The following DRD3 variants were observed in gnomAD, a reference collection of about 807,000 sequenced individuals.
The protein encoded by DRD3 is D(3) dopamine receptor.
A neutral mutation model predicts 36.3 loss-of-function variants in DRD3; 19 were observed. That is an observed-to-expected ratio of 0.52 (90% CI 0.36 to 0.77). The LOEUF (loss-of-function observed/expected upper bound fraction) is 0.77. Ranked by LOEUF, DRD3 falls within the 30% of genes least tolerant of loss-of-function variation. The pLI, the probability that DRD3 is intolerant of heterozygous loss-of-function variation, is 0.00. For synonymous variants in DRD3, 195 were observed against 203.7 expected (o/e 0.96, Z 0.36); for missense variants, 465 against 505.3 (o/e 0.92, Z 0.77).
intron 4 of DRD3, among the ~76,000 whole-genome samples, chr3:114,141,715 T>A (rs1350818656): frequency 6.6e-6 from 1 of 152,100 alleles, no homozygotes; most frequent in Non-Finnish European, 1.5e-5. Context: ...TCAGGTAAAT[T>A]TCATGTTGTT....
In DRD3 at chr3:114,128,746, C is replaced by G. The variant is rs777254047; in HGVS notation, c.1173G>C (p.Arg391=). ...AAGACAGGATCTTGAGGAAGGCTTTCCGGAACTCGATATTGAAGGTGGTAT... is the reference window on the plus strand; with the variant it reads ...AAGACAGGATCTTGAGGAAGGCTTTGCGGAACTCGATATTGAAGGTGGTAT... ...VIYTTFNIEF[R]KAFLKILSC is the part of the protein sequence containing the mutation. The change falls in exon 7 of 7, where the codon CGG becomes CGC. Residue 391 remains arginine, a synonymous_variant. Transcript: ENST00000383673. 9 of 1,608,284 alleles carry G rather than the reference C, an allele frequency of 5.6e-6. No homozygotes were observed. The African/African-American group carries it at 1.1e-4, about 19-fold the overall frequency.
chr3:114,157,177 C>T (rs1453001392), intron 3 of DRD3, among the ~76,000 whole-genome samples: 1 of 151,906 alleles, frequency 6.6e-6, no homozygotes, highest in African/African-American at 2.4e-5. Flanking sequence ...CCTCTGCCTC[C>T]TGAGTAGCTG....
At chr3:114,183,736 C>A (rs1038329963), upstream of DRD3, among the ~76,000 whole-genome samples, 7 of 151,968 alleles carry the variant, frequency 4.6e-5, no homozygotes, top group African/African-American at 1.7e-4. Context: ...ATTTGTCTAG[C>A]CATTCCTGCT....
At chr3:114,183,831 T>A (rs2077960757), upstream of DRD3, among the ~76,000 whole-genome samples, 1 of 152,136 alleles carries the variant, frequency 6.6e-6, no homozygotes, top group African/African-American at 2.4e-5. Flanking sequence ...TTTCTCTTTT[T>A]TATTATTTTT....
chr3:114,149,361 C>T (rs1383732922), intron 3 of DRD3, among the ~76,000 whole-genome samples: 2 of 152,120 alleles, frequency 1.3e-5, no homozygotes, highest in Non-Finnish European at 2.9e-5. Context: ...AATATCTTCC[C>T]CATTTATTTA....
Position 114,139,584 on chromosome 3 carries a change from C to T in DRD3, c.639G>A (p.Val213=). The change falls in exon 5 of 7, where the codon GTG becomes GTA. Residue 213 remains valine, a synonymous_variant. Transcript: ENST00000383673. Reference sequence around the variant, plus strand: ...TTTTCCGTCTCCTTTGTTTCAGCACCACATAGATTCTGGCATAGACAAGGA... The same window carrying T: ...TTTTCCGTCTCCTTTGTTTCAGCACTACATAGATTCTGGCATAGACAAGGA... ...VTVLVYARIY[V]VLKQRRRKRI... is the part of the protein sequence containing the mutation. The T allele has an allele frequency of 6.2e-7, 1 of 1,614,126 alleles. No individual in the cohort carries two copies. Among genetic ancestry groups the T allele is most frequent in the Middle Eastern group, 1.6e-4 (1 of 6,062 alleles).
chr3:114,159,167 C>T (rs974303809), intron 3 of DRD3, among the ~76,000 whole-genome samples: 8 of 152,178 alleles, frequency 5.3e-5, no homozygotes, highest in African/African-American at 1.7e-4. Flanking sequence ...CAATTCACCC[C>T]AGCAACCAAA....
intron 2 of DRD3, among the ~76,000 whole-genome samples, chr3:114,165,161 C>T (rs188553989): frequency 6.6e-6 from 1 of 152,128 alleles, no homozygotes; most frequent in East Asian, 1.9e-4. Flanking sequence ...TTTAATAATT[C>T]ATTAAATAAC....
chr3:114,180,576 T>C (rs74988970), upstream of DRD3, among the ~76,000 whole-genome samples: 10,368 of 152,208 alleles, frequency 0.068, 398 homozygotes, highest in South Asian at 0.11. Context: ...TTTGGATTTC[T>C]ACCCTTCAAA....
intron 1 of DRD3, among the ~76,000 whole-genome samples, chr3:114,197,256 T>C (rs1348933404): frequency 1.3e-5 from 2 of 150,068 alleles, no homozygotes; most frequent in Non-Finnish European, 3.0e-5. Flanking sequence ...GGACTATAGG[T>C]GCACTTGGCT....
intron 3 of DRD3, among the ~76,000 whole-genome samples, chr3:114,154,442 C>T (rs2077647050): frequency 6.6e-6 from 1 of 152,044 alleles, no homozygotes; most frequent in African/African-American, 2.4e-5. Context: ...ACTCTAACTC[C>T]CCGCCTGGGT....
chr3:114,129,623 G>A (rs2077409291), intron 6 of DRD3, among the ~76,000 whole-genome samples: 1 of 152,204 alleles, frequency 6.6e-6, no homozygotes, highest in Admixed American at 6.5e-5. Context: ...TCCTGCTGTT[G>A]AGGAGATTAC....
chr3:114,171,846 C>A lies in DRD3; in HGVS notation c.147G>T (p.Leu49=). 1.2e-6 allele frequency: 2 copies of A among 1,613,868 alleles called. No individual in the cohort carries two copies. ...GCTCCTTCAGCACAGCCATGCACAC[C>A]AGGCCATTGCCGAAGACGATGGCCA... ...LILAIVFGNG[L]VCMAVLKERA... The change falls in exon 2 of 7, where the codon CTG becomes CTT. Residue 49 remains leucine, a synonymous_variant. Coordinates refer to ENST00000383673, the MANE Select transcript of DRD3 (RefSeq NM_000796.6).
chr3:114,154,089 C>A (rs1332697066), intron 3 of DRD3, among the ~76,000 whole-genome samples: 1 of 152,148 alleles, frequency 6.6e-6, no homozygotes, highest in Non-Finnish European at 1.5e-5. Context: ...CAGGAGATTC[C>A]ATTTCTAGTC....
At chr3:114,143,847 C>T (rs1373573152) in intron 4 of DRD3, among the ~76,000 whole-genome samples, 1 of 152,210 alleles carries the variant, frequency 6.6e-6, no homozygotes, top group Admixed American at 6.5e-5. Flanking sequence ...ATTTCTTAAA[C>T]TCTTATCATC....
At chr3:114,166,341 C>G (rs530354055) in intron 2 of DRD3, among the ~76,000 whole-genome samples, 91 of 152,222 alleles carry the variant, frequency 6.0e-4, no homozygotes, top group African/African-American at 2.1e-3. Context: ...TAAATTGTGT[C>G]CCCCAAAAGG....
At chr3:114,143,860 C>T (rs2077548362) in intron 4 of DRD3, among the ~76,000 whole-genome samples, 1 of 152,216 alleles carries the variant, frequency 6.6e-6, no homozygotes, top group Non-Finnish European at 1.5e-5. Flanking sequence ...TTATCATCAG[C>T]TTATTCACTC....
chr3:114,164,664 T>C (rs1016526465), intron 2 of DRD3, among the ~76,000 whole-genome samples: 1 of 152,256 alleles, frequency 6.6e-6, no homozygotes, highest in Admixed American at 6.5e-5. Flanking sequence ...TTGTTGTTCC[T>C]AAAGCAGGTT....
intron 2 of DRD3, among the ~76,000 whole-genome samples, chr3:114,167,764 TC>T (rs1416933296): frequency 2.6e-5 from 4 of 152,188 alleles, no homozygotes; most frequent in Non-Finnish European, 4.4e-5. Flanking sequence ...CTGGGCAGTA[TC>T]CAAAGAAGAA....
Sources: gnomAD v4.1 joint callset for allele counts (sites outside exome capture counted in the v4.1 genomes callset) on GRCh38, gnomAD v4.1.1 for gene constraint, MANE v1.5 for transcripts, NCBI Gene and HGNC (gene_info 2026-07-23, HGNC 2026-07-21) for gene names.